PCDHGB4: variants seen among roughly 807,000 people sequenced by gnomAD.
The protein encoded by PCDHGB4 is protocadherin gamma subfamily B, 4.
PCDHGB4 carries 38 observed loss-of-function variants against 60.5 expected under a neutral mutation model. That is an observed-to-expected ratio of 0.63 (90% CI 0.48 to 0.82). PCDHGB4 has a LOEUF of 0.82. PCDHGB4 is among the 40% of genes least tolerant of loss of function. The pLI, the probability that PCDHGB4 is intolerant of heterozygous loss-of-function variation, is 0.00. For synonymous variants in PCDHGB4, 456 were observed against 509.7 expected (o/e 0.89, Z 1.42); for missense variants, 1,109 against 1,209.6 (o/e 0.92, Z 1.23).
intron 1 of PCDHGB4, chr5:141,393,900 G>A (rs1048161107): frequency 3.7e-6 from 6 of 1,613,906 alleles, no homozygotes; most frequent in South Asian, 1.1e-5. Flanking sequence ...TTCTCTTCCC[G>A]GGACAGTAAT....
rs367914755 is a variant in PCDHGB4 at position 141,399,963 on chromosome 5, C to T, written c.2397+9682C>T. ...TGCTGCAGGCTAGCGAGCCCGGGCT[C>T]TTCAGCCTGGGGCTGCGCACAGGAG... On this transcript the variant is annotated intron_variant, in intron 1 of 3. Transcript: ENST00000519479. 793 of 1,612,310 alleles carry T rather than the reference C, an allele frequency of 4.9e-4. 4 individuals are homozygous for T. Among genetic ancestry groups the T allele is most frequent in the Non-Finnish European group, 3.8e-4 (443 of 1,179,704 alleles).
Position 141,388,955 on chromosome 5 carries a change from C to T in PCDHGB4, c.1071C>T (p.Asp357=), listed in dbSNP as rs183330174. ...FQSLPNLIME[D]AELGTHIALL... ...CTCTACCCAACCTAATTATGGAGGA[C>T]GCCGAGCTGGGAACACATATTGCTT... Residue 357 remains aspartate (D), a synonymous_variant, in exon 1 of 4, where the codon GAC becomes GAT. Transcript: ENST00000519479. 126 of 1,613,914 alleles carry T rather than the reference C, an allele frequency of 7.8e-5. 1 individual carries two copies. In the African/African-American group the frequency reaches 1.3e-3, roughly 17 times the overall value.
rs1025148587 is a variant in PCDHGB4, at chr5:141,431,434, C to T, written c.2397+41153C>T. ...GGGGCGACCCGGTGCGCACAGGCAC[C>T]GCGCGCATCCGCGTGATGGTTCTGG... On this transcript the variant is annotated intron_variant, in intron 1 of 3. Transcript: ENST00000519479. This position sits in a 1 kb window ranked among gnomAD's most constrained non-coding sequence, Gnocchi z 4.8. The T allele has an allele frequency of 6.2e-7, 1 of 1,613,690 alleles. No homozygotes were observed. The highest frequency in any genetic ancestry group is 1.3e-5 in the African/African-American group (1 of 75,072).
chr5:141,431,325 G>A lies in PCDHGB4; in HGVS notation c.2397+41044G>A. On this transcript the variant is annotated intron_variant, in intron 1 of 3. Transcript: ENST00000519479. The surrounding 1 kb of genome is among the most constrained non-coding windows in gnomAD (Gnocchi z 4.8). ...ATCGTGCAAAATGGAGCCGACGGTA[G>A]TAAGTACCCCGAATTGGTGCTGAAA... is the stretch of plus-strand genomic sequence containing the variant. 6.2e-7 allele frequency: 1 copy of A among 1,614,144 alleles called. No homozygotes were observed. The highest frequency in any genetic ancestry group is 8.5e-7 in the Non-Finnish European group (1 of 1,180,052).
chr5:141,473,925 T>C (rs1338065496), intron 1 of PCDHGB4, among the ~76,000 whole-genome samples: 1 of 152,124 alleles, frequency 6.6e-6, no homozygotes, highest in East Asian at 1.9e-4. Context: ...AACTATGAGC[T>C]GGGTGCAGTA....
rs2097401329 is a variant in PCDHGB4 at position 141,431,623 on chromosome 5, G to A, written c.2397+41342G>A. 1 of 1,614,192 alleles carries A rather than the reference G, an allele frequency of 6.2e-7. No homozygotes were observed. The highest frequency in any genetic ancestry group is 1.7e-5 in the Admixed American group (1 of 60,028). On this transcript the variant is annotated intron_variant, in intron 1 of 3. Coordinates refer to ENST00000519479, the MANE Select transcript of PCDHGB4 (RefSeq NM_003736.4). This position sits in a 1 kb window ranked among gnomAD's most constrained non-coding sequence, Gnocchi z 4.8. ...CCTTCCGGTATGTGGACGACAAGGC[G>A]GCCCAAGTTTTCAAACTAGATTGTA...
At chr5:141,427,550 C>T (rs1310933864) in intron 1 of PCDHGB4, 1 of 643,730 alleles carries the variant, frequency 1.6e-6, no homozygotes, top group East Asian at 3.2e-5. Context: ...CCATCACTGC[C>T]ACTGACAAGG....
intron 1 of PCDHGB4, chr5:141,478,920 CCAGTGG>C: frequency 2.7e-6 from 2 of 728,392 alleles, no homozygotes; most frequent in South Asian, 4.5e-5. Flanking sequence ...ATACCTCTAA[CCAGTGG>C]CAGCTTCTAG....
At position 141,400,246 on chromosome 5, in the gene PCDHGB4, G is replaced by A. The variant is rs373890751; in HGVS notation, c.2397+9965G>A. On this transcript the variant is annotated intron_variant, in intron 1 of 3. Transcript: ENST00000519479. Reference sequence around the variant, plus strand: ...CTTCCTCCTGGCCGTGATTCTGGCCGTTGCCTTGCGCCTGCGACGCTCCTC... The same window carrying A: ...CTTCCTCCTGGCCGTGATTCTGGCCATTGCCTTGCGCCTGCGACGCTCCTC... 5.0e-5 allele frequency: 81 copies of A among 1,613,984 alleles called. No homozygotes were observed. The African/African-American group carries it at 6.0e-4, about 12-fold the overall frequency.
At chr5:141,400,143 T>C (rs2093969868) in intron 1 of PCDHGB4, 2 of 1,613,986 alleles carry the variant, frequency 1.2e-6, no homozygotes, top group Admixed American at 3.3e-5. Flanking sequence ...CGGATATCAC[T>C]GACCGCCCTG....
At chr5:141,473,098 A>G (rs564554159) in intron 1 of PCDHGB4, among the ~76,000 whole-genome samples, 6 of 152,300 alleles carry the variant, frequency 3.9e-5, no homozygotes, top group South Asian at 4.1e-4. Context: ...TGTGAGTTGT[A>G]TTACCACACT....
chr5:141,420,789 C>G (rs1403213574), intron 1 of PCDHGB4, among the ~76,000 whole-genome samples: 2 of 152,198 alleles, frequency 1.3e-5, no homozygotes, highest in Non-Finnish European at 2.9e-5. Flanking sequence ...ATTTTGAAAA[C>G]TTTTTAAAAA....
intron 1 of PCDHGB4, chr5:141,395,542 TTGTGTGTGTGTGTGTGTG>T (rs55729045): frequency 3.2e-4 from 55 of 172,630 alleles, no homozygotes; most frequent in Middle Eastern, 1.8e-3. Context: ...TTGCTATTGT[TTGTGTGTGTGTGTGTGTG>T]TGTGTGTGTG....
intron 1 of PCDHGB4, among the ~76,000 whole-genome samples, chr5:141,400,827 C>G (rs1236536713): frequency 2.0e-5 from 3 of 152,178 alleles, no homozygotes; most frequent in Admixed American, 2.0e-4. Flanking sequence ...TTCGTTGTCT[C>G]ATTCTTTAAC....
intron 1 of PCDHGB4, chr5:141,414,659 T>A (rs566999623): frequency 6.2e-7 from 1 of 1,614,010 alleles, no homozygotes; most frequent in South Asian, 1.1e-5. Flanking sequence ...ATTTACTCCC[T>A]GGCTGAAGAC....
chr5:141,490,288 G>T lies in PCDHGB4; in HGVS notation c.2398-4519G>T, dbSNP rs2099698282. 1.2e-6 allele frequency: 2 copies of T among 1,614,080 alleles called. No homozygotes were observed. Among genetic ancestry groups the T allele is most frequent in the South Asian group, 1.1e-5 (1 of 91,092 alleles). On this transcript the variant is annotated intron_variant, in intron 1 of 3. Transcript: ENST00000519479. This position sits in a 1 kb window ranked among gnomAD's most constrained non-coding sequence, Gnocchi z 5.4. ...GGATGTCAATGACAATGCCCCAGAG[G>T]TGCTATTGGCCTCTTTGGCCAACCC...
chr5:141,410,238 C>CA, intron 1 of PCDHGB4: 1 of 1,614,046 alleles, frequency 6.2e-7, no homozygotes, highest in Non-Finnish European at 8.5e-7. Context: ...AGCGACCGCC[C>CA]TGTACTCTCT....
intron 2 of PCDHGB4, among the ~76,000 whole-genome samples, chr5:141,504,059 T>C (rs1179226175): frequency 6.6e-6 from 1 of 152,184 alleles, no homozygotes; most frequent in Admixed American, 6.6e-5. Flanking sequence ...ATTGAAAAAC[T>C]TCTCTGAGCC....
intron 2 of PCDHGB4, among the ~76,000 whole-genome samples, chr5:141,500,788 A>T (rs1379810633): frequency 2.6e-5 from 4 of 152,198 alleles, no homozygotes; most frequent in Admixed American, 6.5e-5. Context: ...ATATTATTTT[A>T]CAGAATAAGT....
Sources: allele counts gnomAD v4.1 joint callset (sites outside exome capture counted in the v4.1 genomes callset), GRCh38; gene constraint gnomAD v4.1.1; non-coding constraint Gnocchi (gnomAD v3.1); transcripts MANE v1.5; gene names NCBI Gene and HGNC (gene_info 2026-07-23, HGNC 2026-07-21).